Variants in OR9Q1 observed in about 807,000 individuals in gnomAD.
OR9Q1 encodes olfactory receptor family 9 subfamily Q member 1, also known as olfactory receptor 9Q1.
For missense variants in OR9Q1, 374 were observed against 378.8 expected (o/e 0.99, Z 0.11); for synonymous variants, 153 against 148.6 (o/e 1.03, Z -0.22).
At chr11:58,174,830 G>A (rs568514153) in intron 2 of OR9Q1, among the ~76,000 whole-genome samples, 8 of 151,656 alleles carry the variant, frequency 5.3e-5, no homozygotes, top group African/African-American at 1.7e-4. Context: ...TTAAGGCCAG[G>A]CGCAGTGGCT....
intron 2 of OR9Q1, among the ~76,000 whole-genome samples, chr11:58,132,661 G>T (rs777679552): frequency 6.6e-6 from 1 of 152,148 alleles, no homozygotes; most frequent in Non-Finnish European, 1.5e-5. Context: ...TTGGGTTGAT[G>T]ACAACTCCTC....
intron 1 of OR9Q1, among the ~76,000 whole-genome samples, chr11:58,037,896 T>G (rs11229224): frequency 2.7e-5 from 3 of 112,542 alleles, no homozygotes; most frequent in Admixed American, 8.7e-5. Context: ...TTTTTTTTGT[T>G]TTTTTTTTTT....
intron 1 of OR9Q1, among the ~76,000 whole-genome samples, chr11:58,033,959 C>A (rs1271329398): frequency 6.6e-6 from 1 of 151,872 alleles, no homozygotes; most frequent in African/African-American, 2.4e-5. Flanking sequence ...GTGTTCCAGC[C>A]TGGTGGTGGC....
intron 2 of OR9Q1, among the ~76,000 whole-genome samples, chr11:58,141,376 A>G (rs545839365): frequency 4.7e-4 from 72 of 152,178 alleles, no homozygotes; most frequent in African/African-American, 1.7e-3. Context: ...AGCTCTTATT[A>G]TTTTGACATA....
rs563090831 is a variant in OR9Q1, at chr11:58,043,725, C to T, written c.-92-12145C>T. ...GCCACCCCTTGCATTGCCAAGTCTC[C>T]CTGCCTATTTGTTAGAATTAATTGT... is the stretch of plus-strand genomic sequence containing the variant. On this transcript the variant is annotated intron_variant, in intron 1 of 2. Transcript: ENST00000335397. 3.3e-5 allele frequency among the ~76,000 whole-genome samples: 5 copies of T among 152,330 alleles called. No homozygotes were observed. In the South Asian group the frequency reaches 1.0e-3, roughly 32 times the overall value.
intron 2 of OR9Q1, among the ~76,000 whole-genome samples, chr11:58,127,042 C>T (rs535756428): frequency 5.7e-4 from 87 of 152,304 alleles, no homozygotes; most frequent in African/African-American, 1.9e-3. Flanking sequence ...CTCCACTTCC[C>T]GGGTTCAAGC....
intron 2 of OR9Q1, among the ~76,000 whole-genome samples, chr11:58,152,622 C>T (rs1004995672): frequency 6.9e-6 from 1 of 145,486 alleles, no homozygotes; most frequent in Middle Eastern, 3.4e-3. Flanking sequence ...AGTCCTTTGT[C>T]TGTCATTTGT....
At chr11:58,078,757 C>A (rs545837986) in intron 2 of OR9Q1, among the ~76,000 whole-genome samples, 4 of 152,182 alleles carry the variant, frequency 2.6e-5, no homozygotes, top group Admixed American at 6.6e-5. Flanking sequence ...GAAGACCCAT[C>A]ATTGGTATTT....
In OR9Q1 at chr11:58,179,474, C is replaced by A; in HGVS notation, c.30C>A (p.Thr10=). 6.3e-7 allele frequency: 1 copy of A among 1,575,624 alleles called. No individual in the cohort carries two copies. The highest frequency in any genetic ancestry group is 8.6e-7 in the Non-Finnish European group (1 of 1,159,438). MAEMNLTLV[T]EFLLIAFTEY... ...CAGAGATGAACCTCACCTTGGTGAC[C>A]GAGTTCCTCCTTATTGCATTCACTG... Residue 10 remains threonine, a synonymous_variant, in exon 3 of 3, where the codon ACC becomes ACA. Transcript: ENST00000335397.
At chr11:58,067,719 T>G (rs1238094885) in intron 2 of OR9Q1, among the ~76,000 whole-genome samples, 1 of 152,214 alleles carries the variant, frequency 6.6e-6, no homozygotes, top group Admixed American at 6.5e-5. Context: ...AGGAATGCTC[T>G]TTCTCATTTT....
chr11:58,159,058 G>C (rs976610), intron 2 of OR9Q1, among the ~76,000 whole-genome samples: 56,857 of 151,994 alleles, frequency 0.37, 10,979 homozygotes, highest in Admixed American at 0.45. Context: ...ACTTGAGTTG[G>C]CTTCTGATAC....
chr11:58,029,962 C>T (rs184237480), intron 1 of OR9Q1, among the ~76,000 whole-genome samples: 166 of 152,178 alleles, frequency 1.1e-3, no homozygotes, highest in African/African-American at 3.8e-3. Flanking sequence ...CTGCCTCAGC[C>T]TCTTGAGTAG....
intron 1 of OR9Q1, among the ~76,000 whole-genome samples, chr11:58,053,647 T>TTATATATATATTATATATATATAAATTA (rs1590559527): frequency 2.1e-5 from 3 of 143,686 alleles, no homozygotes; most frequent in Admixed American, 7.1e-5. Context: ...TATATATAAA[T>TTATATATATATTATATATATATAAATTA]TATATATATA....
At chr11:58,115,819 A>C (rs1853948812) in intron 2 of OR9Q1, among the ~76,000 whole-genome samples, 1 of 152,220 alleles carries the variant, frequency 6.6e-6, no homozygotes, top group Admixed American at 6.6e-5. Flanking sequence ...TTAAAAACAA[A>C]TACTCAGGCA....
At chr11:58,171,577 A>T (rs1854555412) in intron 2 of OR9Q1, 1 of 152,252 alleles carries the variant, frequency 6.6e-6, no homozygotes, top group South Asian at 2.1e-4. Context: ...TGTGTGCAGC[A>T]GTAGGCAAGT....
In OR9Q1 at chr11:58,031,758, C is replaced by T. The variant is rs866708241; in HGVS notation, c.-93+7654C>T. On this transcript the variant is annotated intron_variant, in intron 1 of 2. Transcript: ENST00000335397. ...TTTATGTATGTCCAGACCAAGGTGA[C>T]CTCCTCCATCAACTTCAACAAGGTG... 8.1e-6 allele frequency: 13 copies of T among 1,614,044 alleles called. No individual in the cohort carries two copies. The highest frequency in any genetic ancestry group is 3.3e-4 in the Middle Eastern group (2 of 6,060).
intron 2 of OR9Q1, among the ~76,000 whole-genome samples, chr11:58,113,339 T>C (rs954061131): frequency 6.6e-6 from 1 of 152,154 alleles, no homozygotes; most frequent in African/African-American, 2.4e-5. Context: ...TCAACACTAG[T>C]GTCCCATTTG....
chr11:58,152,533 A>G (rs1854363769), intron 2 of OR9Q1, among the ~76,000 whole-genome samples: 1 of 152,130 alleles, frequency 6.6e-6, no homozygotes, highest in Admixed American at 6.5e-5. Context: ...ATTTGTTTGC[A>G]TCATTTATAT....
At chr11:58,150,457 T>C (rs1854339713) in intron 2 of OR9Q1, among the ~76,000 whole-genome samples, 1 of 152,166 alleles carries the variant, frequency 6.6e-6, no homozygotes, top group Non-Finnish European at 1.5e-5. Flanking sequence ...AATTGGGTTG[T>C]TTGTTTATTG....
Sources: allele counts gnomAD v4.1 joint callset (sites outside exome capture counted in the v4.1 genomes callset), GRCh38; gene constraint gnomAD v4.1.1; transcripts MANE v1.5; gene names NCBI Gene and HGNC (gene_info 2026-07-23, HGNC 2026-07-21).